The following ADGRB3 variants were observed in gnomAD, a reference collection of about 807,000 sequenced individuals.
ADGRB3 encodes the protein adhesion G protein-coupled receptor B3, also known as brain-specific angiogenesis inhibitor 3.
A neutral mutation model predicts 193.4 loss-of-function variants in ADGRB3; 37 were observed. That is an observed-to-expected ratio of 0.19 (90% CI 0.15 to 0.25). ADGRB3 has a LOEUF of 0.25. ADGRB3 is among the 10% of genes least tolerant of loss of function. The pLI, the probability that ADGRB3 is intolerant of heterozygous loss-of-function variation, is 1.00. For synonymous variants in ADGRB3, 690 were observed against 644.2 expected (o/e 1.07, Z -1.08); for missense variants, 1,637 against 1,852.9 (o/e 0.88, Z 2.14).
chr6:69,316,000 A>T (rs1768301936), intron 20 of ADGRB3, among the ~76,000 whole-genome samples: 1 of 151,276 alleles, frequency 6.6e-6, no homozygotes, highest in Admixed American at 6.6e-5. Flanking sequence ...TTTTCTAGCA[A>T]TAGCACAATT....
intron 17 of ADGRB3, among the ~76,000 whole-genome samples, chr6:69,096,062 T>C (rs577442389): frequency 6.6e-6 from 1 of 152,360 alleles, no homozygotes; most frequent in South Asian, 2.1e-4. Flanking sequence ...TTCTGTGGCT[T>C]ACATTTCATT....
chr6:68,816,466 G>A (rs1208151833), intron 3 of ADGRB3, among the ~76,000 whole-genome samples: 2 of 151,898 alleles, frequency 1.3e-5, no homozygotes, highest in Admixed American at 1.3e-4. Context: ...TTAAAGAGAA[G>A]AGCTTTTTTC....
At chr6:69,264,407 G>GT (rs1246426355) in intron 20 of ADGRB3, among the ~76,000 whole-genome samples, 2 of 151,282 alleles carry the variant, frequency 1.3e-5, no homozygotes, top group African/African-American at 4.9e-5. Context: ...TCCTCCTCTG[G>GT]TTTTATTACC....
intron 11 of ADGRB3, among the ~76,000 whole-genome samples, chr6:69,005,714 C>T (rs1441385761): frequency 6.6e-6 from 1 of 152,152 alleles, no homozygotes; most frequent in Non-Finnish European, 1.5e-5. Flanking sequence ...GCCCTGCCAT[C>T]AGAAGCCCTC....
At chr6:69,356,012 C>A in intron 28 of ADGRB3, 152 bp downstream of exon 28, 1 of 606,358 alleles carries the variant, frequency 1.6e-6, no homozygotes, top group Non-Finnish European at 2.7e-6. Flanking sequence ...GCCAAAGGAG[C>A]TGAGAAACCA....
intron 6 of ADGRB3, among the ~76,000 whole-genome samples, chr6:68,946,231 C>A (rs1319545933): frequency 6.6e-6 from 1 of 151,854 alleles, no homozygotes; most frequent in African/African-American, 2.4e-5. Context: ...AAAAAATCGA[C>A]GTTATGATTT....
chr6:69,386,876 C>A (rs1770082991), intron 31 of ADGRB3, among the ~76,000 whole-genome samples: 1 of 152,044 alleles, frequency 6.6e-6, no homozygotes, highest in South Asian at 2.1e-4. Flanking sequence ...TAGTACTTTT[C>A]CTGGATGATA....
intron 3 of ADGRB3, among the ~76,000 whole-genome samples, chr6:68,917,708 A>C (rs1766922328): frequency 1.3e-5 from 2 of 152,086 alleles, no homozygotes; most frequent in Non-Finnish European, 2.9e-5. Flanking sequence ...TCTTTTTTTG[A>C]AACAATCTTC....
At chr6:68,696,588 T>C (rs1305045561) in intron 3 of ADGRB3, among the ~76,000 whole-genome samples, 1 of 151,874 alleles carries the variant, frequency 6.6e-6, no homozygotes, top group Non-Finnish European at 1.5e-5. Flanking sequence ...TTCTAGGACA[T>C]TTACATTTAT....
At chr6:68,669,126 A>C (rs542423401) in intron 3 of ADGRB3, among the ~76,000 whole-genome samples, 8 of 152,060 alleles carry the variant, frequency 5.3e-5, no homozygotes, top group African/African-American at 1.9e-4. Flanking sequence ...GATTTATGGA[A>C]TACATGAGAT....
chr6:68,913,600 G>C (rs1232713925), intron 3 of ADGRB3, among the ~76,000 whole-genome samples: 1 of 152,174 alleles, frequency 6.6e-6, no homozygotes, highest in Admixed American at 6.5e-5. Context: ...GGAAAAAACA[G>C]AGCAGAAAAC....
intron 20 of ADGRB3, among the ~76,000 whole-genome samples, chr6:69,278,860 C>T (rs189264668): frequency 1.3e-5 from 2 of 151,474 alleles, no homozygotes; most frequent in East Asian, 3.9e-4. Context: ...TATACATAAC[C>T]AATACCTGGC....
intron 11 of ADGRB3, among the ~76,000 whole-genome samples, chr6:69,010,801 A>G (rs2150283798): frequency 6.6e-6 from 1 of 151,110 alleles, no homozygotes; most frequent in Admixed American, 6.6e-5. Context: ...TCAAAAAACA[A>G]AAAAAAGCAA....
chr6:68,661,571 A>ATATATATAT (rs1768660804), intron 3 of ADGRB3, among the ~76,000 whole-genome samples: 1 of 111,938 alleles, frequency 8.9e-6, no homozygotes. Flanking sequence ...ATATATATAT[A>ATATATATAT]GTTATGACCT....
chr6:68,866,061 G>A (rs1270095363), intron 3 of ADGRB3, among the ~76,000 whole-genome samples: 1 of 152,122 alleles, frequency 6.6e-6, no homozygotes, highest in East Asian at 1.9e-4. Context: ...CCAATTATGG[G>A]TGCCTCACTT....
intron 17 of ADGRB3, among the ~76,000 whole-genome samples, chr6:69,142,537 C>T (rs544390264): frequency 9.1e-4 from 138 of 152,282 alleles, no homozygotes; most frequent in African/African-American, 3.2e-3. Flanking sequence ...CCCTGACCAG[C>T]TGTCTTGCAA....
chr6:68,827,666 T>G (rs563607331), intron 3 of ADGRB3, among the ~76,000 whole-genome samples: 81 of 151,268 alleles, frequency 5.4e-4, no homozygotes, highest in Admixed American at 2.2e-3. Flanking sequence ...GGGTTTTTTT[T>G]GGGGGGGAGG....
At chr6:69,046,532 A>G (rs1320799654) in intron 13 of ADGRB3, among the ~76,000 whole-genome samples, 1 of 152,204 alleles carries the variant, frequency 6.6e-6, no homozygotes, top group Non-Finnish European at 1.5e-5. Context: ...CCGAAACAGC[A>G]TTTAACATCT....
At chr6:68,970,023 C>T (rs931449220) in intron 8 of ADGRB3, among the ~76,000 whole-genome samples, 1 of 152,190 alleles carries the variant, frequency 6.6e-6, no homozygotes, top group Non-Finnish European at 1.5e-5. Flanking sequence ...GAACTCGATG[C>T]CCCAAGCTCT....
Sources: gnomAD v4.1 joint callset for allele counts (sites outside exome capture counted in the v4.1 genomes callset) on GRCh38, gnomAD v4.1.1 for gene constraint, MANE v1.5 for transcripts, NCBI Gene and HGNC (gene_info 2026-07-23, HGNC 2026-07-21) for gene names.